SLC15A5: variants seen among roughly 807,000 people sequenced by gnomAD.
The protein encoded by SLC15A5 is solute carrier family 15 member 5, also known as Peptide/histidine transporter ENSP00000340402.
Under a neutral mutation model 56.1 loss-of-function variants are expected in SLC15A5, and 58 were observed. The ratio of observed to expected loss-of-function variants is 1.03; its 90% CI spans 0.84 to 1.29. The LOEUF is 1.29. Ranked by LOEUF, SLC15A5 falls within the 50% of genes most tolerant of loss-of-function variation. The pLI, the probability that SLC15A5 is intolerant of heterozygous loss-of-function variation, is 0.00. For synonymous variants in SLC15A5, 264 were observed against 250.5 expected, an observed-to-expected ratio of 1.05 and a Z score of -0.51; for missense variants, 681 against 672.1, an observed-to-expected ratio of 1.01 and a Z score of -0.15.
At position 16,243,500 on chromosome 12, in the gene SLC15A5, C is replaced by A. The variant is rs868145171; in HGVS notation, c.975+1080G>T. ...CTGGGATTACAGGTGTAAGCCACCA[C>A]GCTGGGCTAAATTTTATATAATTTT... On this transcript the variant is annotated intron_variant, in intron 4 of 8. Coordinates refer to ENST00000344941, the MANE Select transcript of SLC15A5 (RefSeq NM_001170798.1). The surrounding 1 kb of genome is among the most constrained non-coding windows in gnomAD (Gnocchi z 4.4). Among the ~76,000 whole-genome samples the A allele has an allele frequency of 1.3e-5, 2 of 152,150 alleles. No homozygotes were observed. Among genetic ancestry groups the A allele is most frequent in the African/African-American group, 2.4e-5 (1 of 41,440 alleles).
At chr12:16,260,965 G>A (rs999407343) in intron 2 of SLC15A5, among the ~76,000 whole-genome samples, 5 of 151,628 alleles carry the variant, frequency 3.3e-5, no homozygotes, top group Non-Finnish European at 5.9e-5. Flanking sequence ...AAATGTAGGT[G>A]TATTTTCTGA....
intron 7 of SLC15A5, among the ~76,000 whole-genome samples, chr12:16,205,610 C>CAT (rs1220526117): frequency 9.5e-6 from 1 of 105,736 alleles, no homozygotes; most frequent in East Asian, 2.9e-4. Context: ...CACACACACA[C>CAT]ATATATATAC....
At chr12:16,270,074 C>T (rs918362914) in intron 2 of SLC15A5, among the ~76,000 whole-genome samples, 1 of 152,112 alleles carries the variant, frequency 6.6e-6, no homozygotes, top group Non-Finnish European at 1.5e-5. Flanking sequence ...GGGAGTTTAG[C>T]TTTATTTTTG....
intron 7 of SLC15A5, 95 bp from the exon 8 acceptor site, chr12:16,194,548 C>A: frequency 1.3e-6 from 1 of 756,202 alleles, no homozygotes; most frequent in Non-Finnish European, 2.0e-6. Context: ...TTGTTCGCTT[C>A]AGTAATATCC....
chr12:16,251,176 AT>A (rs1323289363), intron 3 of SLC15A5, among the ~76,000 whole-genome samples: 1 of 151,984 alleles, frequency 6.6e-6, no homozygotes, highest in Non-Finnish European at 1.5e-5. Context: ...AACTTATGAG[AT>A]GCAGCAAGAG....
intron 5 of SLC15A5, among the ~76,000 whole-genome samples, chr12:16,227,915 G>T (rs1864258664): frequency 6.6e-6 from 1 of 152,104 alleles, no homozygotes; most frequent in South Asian, 2.1e-4. Flanking sequence ...TACAATCAGG[G>T]CTTCCACTTC....
At chr12:16,230,116 T>C (rs1372196789) in intron 5 of SLC15A5, among the ~76,000 whole-genome samples, 1 of 151,808 alleles carries the variant, frequency 6.6e-6, no homozygotes, top group Non-Finnish European at 1.5e-5. Flanking sequence ...CCAAGTTTAA[T>C]CCCAGCAAGG....
chr12:16,238,579 G>A (rs1864375797), intron 5 of SLC15A5, among the ~76,000 whole-genome samples: 1 of 139,038 alleles, frequency 7.2e-6, no homozygotes, highest in Admixed American at 7.9e-5. Flanking sequence ...GTAGTGAGCC[G>A]AGATAGCGCC....
chr12:16,255,288 T>C (rs2417550), intron 3 of SLC15A5, among the ~76,000 whole-genome samples: 37,716 of 151,962 alleles, frequency 0.25, 5,378 homozygotes, highest in East Asian at 0.48. Flanking sequence ...ACTAGAAACA[T>C]GAACAGGTAA....
intron 7 of SLC15A5, among the ~76,000 whole-genome samples, chr12:16,201,613 T>C (rs1400483626): frequency 6.6e-6 from 1 of 152,014 alleles, no homozygotes; most frequent in Non-Finnish European, 1.5e-5. Context: ...CTCATGATAG[T>C]GAGTGAGTTA....
intron 3 of SLC15A5, among the ~76,000 whole-genome samples, chr12:16,247,628 A>T (rs1054624864): frequency 2.0e-5 from 3 of 152,080 alleles, no homozygotes; most frequent in Non-Finnish European, 4.4e-5. Context: ...ACAGGCAAAG[A>T]GACGTAGGAA....
chr12:16,206,188 C>A (rs371640344), intron 7 of SLC15A5, among the ~76,000 whole-genome samples: 1 of 152,080 alleles, frequency 6.6e-6, no homozygotes, highest in Non-Finnish European at 1.5e-5. Flanking sequence ...ATCTGGAATC[C>A]GCCATTGCTG....
At chr12:16,258,990 C>CTTTTTT (rs35905307) in intron 2 of SLC15A5, among the ~76,000 whole-genome samples, 15 of 118,438 alleles carry the variant, frequency 1.3e-4, no homozygotes, top group Admixed American at 1.9e-4. Context: ...TCTTCTTTTT[C>CTTTTTT]TTTTTTTTTT....
chr12:16,215,907 T>G (rs1197298958), intron 7 of SLC15A5, among the ~76,000 whole-genome samples: 2 of 152,200 alleles, frequency 1.3e-5, no homozygotes, highest in African/African-American at 4.8e-5. Context: ...TTGCTTGCCA[T>G]GGTATCACCA....
chr12:16,250,336 C>T (rs1864507430), intron 3 of SLC15A5, among the ~76,000 whole-genome samples: 1 of 151,970 alleles, frequency 6.6e-6, no homozygotes, highest in African/African-American at 2.4e-5. Context: ...GCTACAGGAG[C>T]AGAGGCAAAG....
intron 7 of SLC15A5, among the ~76,000 whole-genome samples, chr12:16,197,449 T>TGG (rs10677723): frequency 1 from 151,676 of 152,258 alleles, 75,552 homozygotes; most frequent in Middle Eastern, 1. Context: ...GCATGGGCTT[T>TGG]AGTCAGGTAG....
intron 3 of SLC15A5, among the ~76,000 whole-genome samples, chr12:16,254,217 C>T (rs887396849): frequency 2.6e-5 from 4 of 151,986 alleles, no homozygotes; most frequent in African/African-American, 9.6e-5. Context: ...AGGACAAAGA[C>T]CCTGTCTTTG....
intron 3 of SLC15A5, among the ~76,000 whole-genome samples, chr12:16,251,176 A>G (rs997286941): frequency 6.6e-6 from 1 of 151,984 alleles, no homozygotes. Context: ...AACTTATGAG[A>G]TGCAGCAAGA....
At chr12:16,241,458 G>A (rs921063080) in intron 4 of SLC15A5, among the ~76,000 whole-genome samples, 1 of 152,164 alleles carries the variant, frequency 6.6e-6, no homozygotes, top group Admixed American at 6.5e-5. Context: ...TGTTAACTGC[G>A]CAAACACAGG....
Sources: allele counts gnomAD v4.1 joint callset (sites outside exome capture counted in the v4.1 genomes callset), GRCh38; gene constraint gnomAD v4.1.1; non-coding constraint Gnocchi (gnomAD v3.1); transcripts MANE v1.5; gene names NCBI Gene and HGNC (gene_info 2026-07-23, HGNC 2026-07-21).